HDAC9: variants seen among roughly 807,000 people sequenced by gnomAD.
The protein encoded by HDAC9 is histone deacetylase 9, also known as MEF-2 interacting transcription repressor (MITR) protein.
HDAC9 carries 41 observed loss-of-function variants against 139.4 expected under a neutral mutation model. The ratio of observed to expected loss-of-function variants is 0.29; its 90% confidence interval spans 0.23 to 0.38. HDAC9 has a LOEUF of 0.38. HDAC9 is among the 10% of genes least tolerant of loss of function. HDAC9 has a pLI of 1.00. For synonymous variants in HDAC9, 517 were observed against 476.2 expected (o/e 1.09, Z -1.12); for missense variants, 1,147 against 1,297.0 (o/e 0.88, Z 1.78).
intron 16 of HDAC9, among the ~76,000 whole-genome samples, chr7:18,778,979 T>G (rs113676895): frequency 3.4e-3 from 522 of 152,210 alleles, no homozygotes; most frequent in South Asian, 0.011. Context: ...GCTGTCACAT[T>G]AATATTTCAC....
intron 1 of HDAC9, among the ~76,000 whole-genome samples, chr7:18,434,282 T>G (rs920210584): frequency 6.6e-6 from 1 of 152,188 alleles, no homozygotes; most frequent in South Asian, 2.1e-4. Context: ...ATTAAAGACT[T>G]AAGTGTAAAA....
intron 12 of HDAC9, among the ~76,000 whole-genome samples, chr7:18,686,283 A>G (rs187230909): frequency 2.1e-4 from 32 of 152,080 alleles, no homozygotes; most frequent in Non-Finnish European, 4.0e-4. Context: ...ACTCCCTCCA[A>G]TTATTTTCAT....
intron 1 of HDAC9, among the ~76,000 whole-genome samples, chr7:18,102,284 A>G (rs548329839): frequency 1.3e-5 from 2 of 152,330 alleles, no homozygotes; most frequent in East Asian, 1.9e-4. Flanking sequence ...GAATATGTCA[A>G]TGATTTTTTA....
intron 2 of HDAC9, among the ~76,000 whole-genome samples, chr7:18,263,811 G>T (rs964337224): frequency 6.6e-6 from 1 of 151,968 alleles, no homozygotes; most frequent in African/African-American, 2.4e-5. Flanking sequence ...TAGAGATGGG[G>T]TTTCGCCATG....
intron 22 of HDAC9, among the ~76,000 whole-genome samples, chr7:18,921,572 G>T (rs1305792700): frequency 6.6e-6 from 1 of 152,120 alleles, no homozygotes; most frequent in South Asian, 2.1e-4. Context: ...AAAAAGTCAG[G>T]AAACAACAGG....
intron 17 of HDAC9, among the ~76,000 whole-genome samples, chr7:18,825,400 A>C (rs1312667387): frequency 6.6e-6 from 1 of 152,218 alleles, no homozygotes; most frequent in Non-Finnish European, 1.5e-5. Context: ...TATAGAAGCC[A>C]AGAAAAGTCT....
At chr7:18,982,586 C>G (rs193096047) in intron 25 of HDAC9, among the ~76,000 whole-genome samples, 11 of 152,114 alleles carry the variant, frequency 7.2e-5, no homozygotes, top group African/African-American at 2.7e-4. Context: ...AGAACAAGTT[C>G]AAGAACATTT....
chr7:18,869,383 T>A (rs1798742148), intron 21 of HDAC9, among the ~76,000 whole-genome samples: 1 of 151,970 alleles, frequency 6.6e-6, no homozygotes, highest in African/African-American at 2.4e-5. Flanking sequence ...TGAAATCTGG[T>A]TGTTTAAAAG....
rs577318204 is a variant in HDAC9, at chr7:18,259,755, G to T, written c.25+97406G>T. 9.9e-5 allele frequency among the ~76,000 whole-genome samples: 15 copies of T among 152,264 alleles called. 1 individual carries two copies. The highest frequency in any genetic ancestry group is 2.1e-4 in the Non-Finnish European group (14 of 68,008). ...TTCAATAAATATTGATTGAGGAAAA[G>T]AATTTAATATTTACCCTTTAGATCA... On this transcript the variant is annotated intron_variant, in intron 2 of 12. Transcript: ENST00000417496.
upstream of HDAC9, chr7:18,290,398 C>T: frequency 2.2e-6 from 1 of 449,150 alleles, no homozygotes; most frequent in Non-Finnish European, 4.5e-6. Flanking sequence ...GTTGACTAAC[C>T]ACTTCCCTTC....
chr7:18,385,889 C>T (rs1365894), intron 1 of HDAC9, among the ~76,000 whole-genome samples: 143,841 of 151,998 alleles, frequency 0.95, 68,462 homozygotes, highest in East Asian at 1. Flanking sequence ...TTTCACTGAG[C>T]TCCTTTCCTT....
chr7:18,962,417 A>G (rs906207805), intron 24 of HDAC9, among the ~76,000 whole-genome samples: 1 of 152,138 alleles, frequency 6.6e-6, no homozygotes, highest in African/African-American at 2.4e-5. Flanking sequence ...CAAATGTTCA[A>G]AGTCTGGTTG....
chr7:18,371,256 G>A (rs1484427535), intron 1 of HDAC9, among the ~76,000 whole-genome samples: 1 of 152,152 alleles, frequency 6.6e-6, no homozygotes, highest in Non-Finnish European at 1.5e-5. Flanking sequence ...CAACTTTAAT[G>A]TGGATGTTTG....
intron 8 of HDAC9, among the ~76,000 whole-genome samples, chr7:18,636,121 T>C (rs565896683): frequency 1.6e-4 from 25 of 152,098 alleles, no homozygotes; most frequent in Non-Finnish European, 3.2e-4. Context: ...AGTTTTGAGC[T>C]TTGGTTTTCA....
rs1481556326 is a variant in HDAC9 at position 19,000,112 on chromosome 7, G to C, written c.*4050G>C. The C allele has an allele frequency of 6.6e-6, 1 of 152,228 alleles. No homozygotes were observed. The allele number at this position is 152,228 out of a possible 1,614,324, so 9.4% of individuals were successfully genotyped here. A position where few individuals can be genotyped will look rare whatever the true frequency, so the allele number is the denominator to read the frequency against. Reference sequence around the variant, plus strand: ...TCACTTTCAAAAGAAATGAAAACCAGATGGTCTATGCTAAGAAGTGAAGGC... The same window carrying C: ...TCACTTTCAAAAGAAATGAAAACCACATGGTCTATGCTAAGAAGTGAAGGC... On this transcript the variant is annotated 3_prime_UTR_variant, in exon 26 of 26. Coordinates refer to ENST00000686413, the MANE Select transcript of HDAC9 (RefSeq NM_178425.4).
chr7:18,235,853 A>G (rs557171471), intron 2 of HDAC9, among the ~76,000 whole-genome samples: 1 of 152,328 alleles, frequency 6.6e-6, no homozygotes, highest in South Asian at 2.1e-4. Context: ...TACTGGATCA[A>G]TACTATGTAA....
rs71017004 is a variant in HDAC9, at chr7:18,859,857, T to TGTGAGAGAGA, written c.2685-14621_2685-14620insGTGAGAGAGA. ...ATATATATATATATATATATATATA[T>TGTGAGAGAGA]ATGTGAGAGAATGAGAGAGAGAGAA... On this transcript the variant is annotated intron_variant, in intron 21 of 25. Coordinates refer to ENST00000686413, the MANE Select transcript of HDAC9 (RefSeq NM_178425.4). Among the ~76,000 whole-genome samples, 12 of 121,234 alleles carry TGTGAGAGAGA rather than the reference T, an allele frequency of 9.9e-5. No individual in the cohort carries two copies. The East Asian group carries it at 3.3e-3, about 33-fold the overall frequency. The allele number at this position is 121,234 out of a possible 152,430, so 79.5% of individuals were successfully genotyped here.
chr7:18,631,394 C>A (rs1212369356), intron 7 of HDAC9, among the ~76,000 whole-genome samples: 1 of 151,966 alleles, frequency 6.6e-6, no homozygotes, highest in Admixed American at 6.6e-5. Context: ...TTTGGAGGCT[C>A]CGGACTACTG....
At chr7:18,828,980 A>G (rs1229258305) in intron 17 of HDAC9, among the ~76,000 whole-genome samples, 181 bp from the exon 18 acceptor site, 2 of 152,192 alleles carry the variant, frequency 1.3e-5, no homozygotes, top group South Asian at 2.1e-4. Flanking sequence ...ATGTGATCAC[A>G]TGTGTTGTTT....
Sources: allele counts gnomAD v4.1 joint callset (sites outside exome capture counted in the v4.1 genomes callset), GRCh38; gene constraint gnomAD v4.1.1; transcripts MANE v1.5; gene names NCBI Gene and HGNC (gene_info 2026-07-23, HGNC 2026-07-21).